The following PXDNL variants were observed in gnomAD, a reference collection of about 807,000 sequenced individuals.
The protein encoded by PXDNL is peroxidasin like.
Under a neutral mutation model 150.8 loss-of-function variants are expected in PXDNL, and 145 were observed. The ratio of observed to expected loss-of-function variants is 0.96; its 90% CI spans 0.84 to 1.10. The LOEUF (loss-of-function observed/expected upper bound fraction) is 1.10. Ranked by LOEUF, PXDNL falls within the 50% of genes least tolerant of loss-of-function variation. PXDNL has a pLI of 0.00. For synonymous variants in PXDNL, 757 were observed against 725.7 expected, an observed-to-expected ratio of 1.04 and a Z score of -0.69; for missense variants, 2,087 against 1,873.9, an observed-to-expected ratio of 1.11 and a Z score of -2.10.
intron 5 of PXDNL, among the ~76,000 whole-genome samples, chr8:51,489,849 T>A (rs754274530): frequency 6.6e-6 from 1 of 152,174 alleles, no homozygotes; most frequent in African/African-American, 2.4e-5. Context: ...AGCCTTTTCA[T>A]AGCAAGTTCT....
At chr8:51,708,983 G>A (rs1816440723) in intron 1 of PXDNL, among the ~76,000 whole-genome samples, 2 of 152,026 alleles carry the variant, frequency 1.3e-5, no homozygotes, top group South Asian at 4.1e-4. Context: ...TGACATGTTT[G>A]GGGATTCCAG....
intron 1 of PXDNL, among the ~76,000 whole-genome samples, chr8:51,671,002 A>G (rs1815489146): frequency 6.6e-6 from 1 of 152,250 alleles, no homozygotes; most frequent in South Asian, 2.1e-4. Flanking sequence ...ATGAAACAAG[A>G]CTAAGAAAAA....
intron 5 of PXDNL, among the ~76,000 whole-genome samples, chr8:51,495,714 C>T (rs554768902): frequency 0.014 from 2,088 of 152,256 alleles, 20 homozygotes; most frequent in Non-Finnish European, 0.02. Context: ...CATACACCCT[C>T]CCAAGACTAA....
chr8:51,568,492 T>C (rs184202106), intron 3 of PXDNL, among the ~76,000 whole-genome samples: 1 of 152,030 alleles, frequency 6.6e-6, no homozygotes, highest in Admixed American at 6.6e-5. Flanking sequence ...CTTTTTCCTA[T>C]ACAGGTAAGG....
At chr8:51,498,340 C>G (rs201493585) in intron 5 of PXDNL, among the ~76,000 whole-genome samples, 1 of 151,790 alleles carries the variant, frequency 6.6e-6, no homozygotes, top group African/African-American at 2.4e-5. Context: ...TAAATAATGA[C>G]TTAATGGGTG....
intron 12 of PXDNL, among the ~76,000 whole-genome samples, chr8:51,433,892 T>G (rs1809321716): frequency 1.3e-5 from 2 of 152,176 alleles, no homozygotes; most frequent in Admixed American, 1.3e-4. Context: ...TATAATTTTA[T>G]TCAATGTCAC....
intron 2 of PXDNL, among the ~76,000 whole-genome samples, chr8:51,597,163 T>G (rs1202641743): frequency 6.6e-6 from 1 of 151,948 alleles, no homozygotes; most frequent in Non-Finnish European, 1.5e-5. Flanking sequence ...GAATAGGGAG[T>G]TTTTCCCCAT....
At chr8:51,626,702 G>A (rs891931991) in intron 2 of PXDNL, among the ~76,000 whole-genome samples, 7 of 152,272 alleles carry the variant, frequency 4.6e-5, no homozygotes, top group South Asian at 2.1e-4. Flanking sequence ...CAATCAGCTC[G>A]TCAATGTGAA....
intron 4 of PXDNL, among the ~76,000 whole-genome samples, chr8:51,526,227 A>C (rs1469922409): frequency 2.0e-5 from 3 of 152,182 alleles, no homozygotes. Context: ...AGGTATTGCG[A>C]GTTAACAGTG....
At chr8:51,514,644 A>T (rs1563446205) in intron 4 of PXDNL, among the ~76,000 whole-genome samples, 1 of 151,732 alleles carries the variant, frequency 6.6e-6, no homozygotes, top group Non-Finnish European at 1.5e-5. Flanking sequence ...GTGCTCCTGA[A>T]CCCCCTGTTC....
intron 17 of PXDNL, among the ~76,000 whole-genome samples, chr8:51,394,315 A>AGCTATCC (rs1214181728): frequency 6.6e-6 from 1 of 152,244 alleles, no homozygotes; most frequent in Non-Finnish European, 1.5e-5. Context: ...ATTAGAGTAA[A>AGCTATCC]GCTATCCCAT....
At chr8:51,720,852 C>T (rs889231504) in intron 1 of PXDNL, among the ~76,000 whole-genome samples, 2 of 152,226 alleles carry the variant, frequency 1.3e-5, no homozygotes, top group African/African-American at 4.8e-5. Flanking sequence ...CTGCCTAGGC[C>T]GGTGAAGGCA....
At chr8:51,696,438 G>A (rs13274101) in intron 1 of PXDNL, among the ~76,000 whole-genome samples, 81,355 of 152,096 alleles carry the variant, frequency 0.53, 26,402 homozygotes, top group Non-Finnish European at 0.7. Context: ...CCTCCAGAAC[G>A]GTGAGAAATA....
intron 12 of PXDNL, among the ~76,000 whole-genome samples, chr8:51,445,847 G>C (rs1809659348): frequency 1.3e-5 from 2 of 152,052 alleles, no homozygotes; most frequent in Admixed American, 1.3e-4. Flanking sequence ...TTTCCTCTTA[G>C]ACAGAAAGGT....
rs566203801 is a variant in PXDNL, at chr8:51,480,770, G to T, written c.524+2873C>A. Among the ~76,000 whole-genome samples, 101 of 152,308 alleles carry T rather than the reference G, an allele frequency of 6.6e-4. 2 individuals are homozygous for T. Among genetic ancestry groups the T allele is most frequent in the African/African-American group, 2.3e-3 (97 of 41,558 alleles). ...AGATCTGATGGTTTTATAAATGGGA[G>T]TTCCCCTGCGCAGGCTCTCTTGCCT... On this transcript the variant is annotated intron_variant, in intron 6 of 22. Transcript: ENST00000356297.
At chr8:51,638,817 C>A (rs1323918764) in intron 2 of PXDNL, among the ~76,000 whole-genome samples, 1 of 152,052 alleles carries the variant, frequency 6.6e-6, no homozygotes, top group Non-Finnish European at 1.5e-5. Flanking sequence ...AAAAGGATAT[C>A]CAGGAATTGA....
chr8:51,683,521 A>C (rs1314445910), intron 1 of PXDNL, among the ~76,000 whole-genome samples: 2 of 152,078 alleles, frequency 1.3e-5, no homozygotes, highest in Non-Finnish European at 2.9e-5. Context: ...AGTAAGAAGC[A>C]GACATAAAGT....
At chr8:51,426,564 T>G in intron 13 of PXDNL, 82 bp downstream of exon 13, 4 of 749,670 alleles carry the variant, frequency 5.3e-6, no homozygotes, top group Non-Finnish European at 6.6e-6. Context: ...AAAATCAATA[T>G]GAGAATCATT....
chr8:51,381,107 G>T (rs1480259492), intron 17 of PXDNL, among the ~76,000 whole-genome samples: 1 of 152,000 alleles, frequency 6.6e-6, no homozygotes, highest in African/African-American at 2.4e-5. Context: ...TACTGTTATT[G>T]TTTATTTTAA....
Sources: allele counts gnomAD v4.1 joint callset (sites outside exome capture counted in the v4.1 genomes callset), GRCh38; gene constraint gnomAD v4.1.1; transcripts MANE v1.5; gene names NCBI Gene and HGNC (gene_info 2026-07-23, HGNC 2026-07-21).